Variants in FRYL observed in about 807,000 individuals in gnomAD.
FRYL encodes the protein FRY like transcription coactivator, also known as protein furry homolog-like.
A neutral mutation model predicts 351.2 loss-of-function variants in FRYL; 150 were observed. The observed-to-expected ratio is 0.43, with a 90% CI of 0.37 to 0.49. The LOEUF (loss-of-function observed/expected upper bound fraction) is 0.49. Among genes scored for constraint, FRYL ranks in the 20% least tolerant of loss-of-function variants. The probability of loss-of-function intolerance (pLI) is 0.00; values close to 1 mark genes in which losing one functional copy is unlikely to be tolerated. For missense variants in FRYL, 3,036 were observed against 3,619.3 expected, an observed-to-expected ratio of 0.84 and a Z score of 4.13; for synonymous variants, 1,153 against 1,257.1, an observed-to-expected ratio of 0.92 and a Z score of 1.75.
intron 1 of FRYL, among the ~76,000 whole-genome samples, chr4:48,712,770 A>T (rs6819262): frequency 6.6e-6 from 1 of 151,648 alleles, no homozygotes; most frequent in Non-Finnish European, 1.5e-5. Flanking sequence ...TCCAAGACAC[A>T]TAATTGTCAG....
intron 37 of FRYL, 37 bp from the exon 38 acceptor site, chr4:48,550,741 G>A (rs746536438): frequency 9.9e-5 from 129 of 1,308,960 alleles, no homozygotes; most frequent in Non-Finnish European, 1.4e-4. Context: ...CACAGTTCAC[G>A]GTGCAATGGT....
intron 1 of FRYL, among the ~76,000 whole-genome samples, chr4:48,752,257 G>T (rs1252748799): frequency 6.6e-6 from 1 of 152,172 alleles, no homozygotes; most frequent in Non-Finnish European, 1.5e-5. Context: ...GTTTTCAAAA[G>T]ACTTGCACAT....
At chr4:48,650,404 C>T (rs920143994) in intron 3 of FRYL, among the ~76,000 whole-genome samples, 4 of 152,112 alleles carry the variant, frequency 2.6e-5, no homozygotes, top group African/African-American at 9.7e-5. Context: ...GAAGCTTACA[C>T]TCAAGTAGCA....
At position 48,564,068 on chromosome 4, in the gene FRYL, A is replaced by G. The variant is rs1187502485; in HGVS notation, c.3476T>C (p.Leu1159Ser). Reference protein sequence around the residue: ...HQLGCEAVTLLLELNPDQSNL... With the variant: ...HQLGCEAVTLSLELNPDQSNL... ...GCTCTGATCAGGGTTCAGCTCCAGT[A>G]ACAACGTAACTGCTTCACAGCCCAG... Residue 1159 changes from leucine to serine, a missense_variant, in exon 31 of 64, where the codon TTA becomes TCA. By Grantham distance (145) the Leu-to-Ser change is moderately radical. Around this residue, in one of 7 missense-constraint regions of FRYL, gnomAD observed 1,987 missense variants for 2,311.7 expected, o/e 0.86. Transcript: ENST00000358350. The G allele has an allele frequency of 6.2e-7, 1 of 1,614,206 alleles. No homozygotes were observed. Among genetic ancestry groups the G allele is most frequent in the Admixed American group, 1.7e-5 (1 of 60,020 alleles).
intron 36 of FRYL, among the ~76,000 whole-genome samples, chr4:48,552,639 A>G (rs924473677): frequency 6.6e-6 from 1 of 152,190 alleles, no homozygotes; most frequent in African/African-American, 2.4e-5. Context: ...AATTATAATT[A>G]AATGAAACTT....
At chr4:48,632,588 A>C (rs1753451207) in intron 4 of FRYL, among the ~76,000 whole-genome samples, 1 of 151,008 alleles carries the variant, frequency 6.6e-6, no homozygotes, top group South Asian at 2.1e-4. Flanking sequence ...TATACATTAT[A>C]CAATATACAC....
At chr4:48,668,198 A>C (rs983666380) in intron 3 of FRYL, among the ~76,000 whole-genome samples, 1 of 152,194 alleles carries the variant, frequency 6.6e-6, no homozygotes, top group African/African-American at 2.4e-5. Flanking sequence ...TGTGGCCTGC[A>C]AAGCCTAAAA....
At chr4:48,730,704 C>G (rs1770627692) in intron 1 of FRYL, among the ~76,000 whole-genome samples, 1 of 152,180 alleles carries the variant, frequency 6.6e-6, no homozygotes, top group Non-Finnish European at 1.5e-5. Flanking sequence ...CACCACCAAG[C>G]CTGCCTTACA....
intron 2 of FRYL, among the ~76,000 whole-genome samples, chr4:48,689,767 A>G (rs2149555856): frequency 6.6e-6 from 1 of 152,348 alleles, no homozygotes; most frequent in African/African-American, 2.4e-5. Flanking sequence ...GCACATTTCT[A>G]TAACTTTGAA....
At position 48,696,156 on chromosome 4, in the gene FRYL, A is replaced by T. The variant is rs1766144003; in HGVS notation, c.-203-11361T>A. 3.9e-5 allele frequency among the ~76,000 whole-genome samples: 6 copies of T among 152,336 alleles called. No individual in the cohort carries two copies. In the South Asian group the frequency reaches 1.2e-3, roughly 32 times the overall value. On this transcript the variant is annotated intron_variant, in intron 2 of 63. Coordinates refer to ENST00000358350, the MANE Select transcript of FRYL (RefSeq NM_015030.2). ...GATCTAGAACCAGAAATACCATTTGATCCAGCAATCCCATTACTGGGTATG... is the reference window on the plus strand; with the variant it reads ...GATCTAGAACCAGAAATACCATTTGTTCCAGCAATCCCATTACTGGGTATG...
rs373681858 is a variant in FRYL at position 48,575,119 on chromosome 4, A to G, written c.2844T>C (p.Phe948=). Reference sequence around the variant, plus strand: ...AAAAAATGTACGAACATAGTTACCTAAAAGCTCCTGGGTTGGTCCTGCCAA... The same window carrying G: ...AAAAAATGTACGAACATAGTTACCTGAAAGCTCCTGGGTTGGTCCTGCCAA... The part of the protein sequence containing the change: ...LGLGRTNPGA[F]RELIEELHPI... The change falls in exon 25 of 64, where the codon TTT becomes TTC. Residue 948 remains phenylalanine, a splice_region_variant and synonymous_variant. Transcript: ENST00000358350. 15 of 1,612,954 alleles carry G rather than the reference A, an allele frequency of 9.3e-6. No homozygotes were observed. The highest frequency in any genetic ancestry group is 3.3e-5 in the Admixed American group (2 of 59,952).
At chr4:48,525,613 T>C (rs1269782685) in intron 53 of FRYL, among the ~76,000 whole-genome samples, 1 of 152,192 alleles carries the variant, frequency 6.6e-6, no homozygotes, top group African/African-American at 2.4e-5. Context: ...ATAAGCTGTA[T>C]ATGAGTTGTA....
chr4:48,501,853 T>C lies in FRYL; in HGVS notation c.8482-120A>G, dbSNP rs565949418. On this transcript the variant is annotated intron_variant, in intron 61 of 63. Coordinates refer to ENST00000358350, the MANE Select transcript of FRYL (RefSeq NM_015030.2). Reference sequence around the variant, plus strand: ...TTTTTCTGCAGTAAGGAAGTTAATATGGTATGAAGCTGATGAAAGGCACGT... The same window carrying C: ...TTTTTCTGCAGTAAGGAAGTTAATACGGTATGAAGCTGATGAAAGGCACGT... 650 of 677,810 alleles carry C rather than the reference T, an allele frequency of 9.6e-4. 2 individuals are homozygous for C. Among genetic ancestry groups the C allele is most frequent in the Non-Finnish European group, 1.1e-3 (417 of 386,766 alleles). The allele number at this position is 677,810 out of a possible 1,614,324, so 42.0% of individuals were successfully genotyped here.
chr4:48,639,588 G>A (rs1283263906), intron 3 of FRYL, among the ~76,000 whole-genome samples: 1 of 151,970 alleles, frequency 6.6e-6, no homozygotes, highest in Admixed American at 6.6e-5. Flanking sequence ...ACCCCTAGAA[G>A]ATAGGAGAAA....
chr4:48,650,521 T>C (rs143162776), intron 3 of FRYL, among the ~76,000 whole-genome samples: 1,851 of 152,176 alleles, frequency 0.012, 12 homozygotes, highest in Non-Finnish European at 0.02. Flanking sequence ...GAAGAATGGG[T>C]CTTGAAAGAG....
At chr4:48,679,435 C>G (rs78135559) in intron 3 of FRYL, among the ~76,000 whole-genome samples, 2 of 151,958 alleles carry the variant, frequency 1.3e-5, no homozygotes, top group African/African-American at 4.8e-5. Context: ...CTCTCATATC[C>G]TACCCTAAGG....
chr4:48,608,913 A>G (rs1747428608), intron 9 of FRYL, 74 bp downstream of exon 9: 5 of 881,378 alleles, frequency 5.7e-6, no homozygotes, highest in Non-Finnish European at 9.7e-6. Context: ...AACTATCAGT[A>G]TCTATTGTAT....
chr4:48,578,487 A>T (rs1740163974), intron 23 of FRYL, among the ~76,000 whole-genome samples: 2 of 152,238 alleles, frequency 1.3e-5, no homozygotes, highest in Non-Finnish European at 2.9e-5. Flanking sequence ...TCTCCATTTC[A>T]TCATCAGTTA....
chr4:48,748,443 G>A (rs1772903618), intron 1 of FRYL, among the ~76,000 whole-genome samples: 1 of 152,122 alleles, frequency 6.6e-6, no homozygotes, highest in Non-Finnish European at 1.5e-5. Context: ...GATAAAAAGT[G>A]CAGGTTGGCA....
Sources: gnomAD v4.1 joint callset for allele counts (sites outside exome capture counted in the v4.1 genomes callset) on GRCh38, gnomAD v4.1.1 for gene constraint, gnomAD v4.1.1 regional missense constraint, MANE v1.5 for transcripts, NCBI Gene and HGNC (gene_info 2026-07-23, HGNC 2026-07-21) for gene names.